The following FGD4 variants were observed in gnomAD, a reference collection of about 807,000 sequenced individuals.
The protein encoded by FGD4 is FYVE, RhoGEF and PH domain containing 4, also known as FYVE, RhoGEF and PH domain-containing protein 4.
A neutral mutation model predicts 102.0 loss-of-function variants in FGD4; 42 were observed. That is an observed-to-expected ratio of 0.41 (90% CI 0.32 to 0.53). The LOEUF is 0.53. FGD4 is among the 20% of genes least tolerant of loss of function. The pLI is 0.21. For synonymous variants in FGD4, 380 were observed against 375.7 expected, an observed-to-expected ratio of 1.01 and a Z score of -0.13; for missense variants, 902 against 1,078.2, an observed-to-expected ratio of 0.84 and a Z score of 2.29.
chr12:32,402,457 G>A (rs1486023041), intron 1 of FGD4, among the ~76,000 whole-genome samples: 1 of 151,924 alleles, frequency 6.6e-6, no homozygotes, highest in African/African-American at 2.4e-5. Flanking sequence ...GAGAGATGGG[G>A]TCTCACTGTG....
At chr12:32,575,789 GTTGT>G (rs1432012590) in intron 2 of FGD4, among the ~76,000 whole-genome samples, 1 of 152,202 alleles carries the variant, frequency 6.6e-6, no homozygotes, top group African/African-American at 2.4e-5. Flanking sequence ...TTGTATTACT[GTTGT>G]TTGTTGTTGT....
rs79224666 is a variant in FGD4, at chr12:32,610,200, A to T, written c.1544-576A>T. Among the ~76,000 whole-genome samples the T allele has an allele frequency of 3.3e-5, 5 of 152,338 alleles. No individual in the cohort carries two copies. The East Asian group carries it at 9.6e-4, about 29-fold the overall frequency. ...GGCCCTTCAATAGCATAGCTGTGTGACCTCAGCCAAGTTGTATTACTTCCC... is the reference window on the plus strand; with the variant it reads ...GGCCCTTCAATAGCATAGCTGTGTGTCCTCAGCCAAGTTGTATTACTTCCC... On this transcript the variant is annotated intron_variant, in intron 8 of 16. Coordinates refer to ENST00000534526, the MANE Select transcript of FGD4 (RefSeq NM_001370298.3).
At chr12:32,500,392 T>TTTTTG in intron 1 of FGD4, among the ~76,000 whole-genome samples, 1 of 135,328 alleles carries the variant, frequency 7.4e-6, no homozygotes, top group Non-Finnish European at 1.6e-5. Context: ...TTTTATTTTA[T>TTTTTG]TTTTATTTTA....
At chr12:32,549,954 TC>T (rs1280816956) in intron 1 of FGD4, among the ~76,000 whole-genome samples, 3 of 152,120 alleles carry the variant, frequency 2.0e-5, no homozygotes, top group African/African-American at 7.2e-5. Flanking sequence ...CCTCTTCTCT[TC>T]CCCCTCGGCA....
rs202159069 is a variant in FGD4 at position 32,570,542 on chromosome 12, AG to A, written c.320-5723del. 5.2e-3 allele frequency among the ~76,000 whole-genome samples: 797 copies of A among 152,042 alleles called. 7 individuals carry two copies. The highest frequency in any genetic ancestry group is 0.018 in the African/African-American group (739 of 41,478). On this transcript the variant is annotated intron_variant, in intron 2 of 16. Coordinates refer to ENST00000534526, the MANE Select transcript of FGD4 (RefSeq NM_001370298.3). ...CAGCAACCTCCACCTCCCAGGTTCA[AG>A]CGATTCTCCTGCCTCAGCCTCCCAA...
chr12:32,565,681 T>A, intron 2 of FGD4, among the ~76,000 whole-genome samples: 1 of 152,230 alleles, frequency 6.6e-6, no homozygotes, highest in Non-Finnish European at 1.5e-5. Flanking sequence ...GTGTCCTTTC[T>A]GAGTTGCATG....
chr12:32,532,677 CA>C (rs1393353879), intron 1 of FGD4, among the ~76,000 whole-genome samples: 1 of 151,792 alleles, frequency 6.6e-6, no homozygotes, highest in Non-Finnish European at 1.5e-5. Flanking sequence ...ATTTTTGTGA[CA>C]GGGAAGTATT....
intron 15 of FGD4, chr12:32,637,579 G>A (rs991601052): frequency 2.8e-5 from 4 of 143,416 alleles, no homozygotes; most frequent in African/African-American, 8.1e-5. Context: ...CTGGGTGACA[G>A]AGCAAGACTC....
At chr12:32,491,416 G>C (rs1176253561) in intron 1 of FGD4, among the ~76,000 whole-genome samples, 2 of 152,178 alleles carry the variant, frequency 1.3e-5, no homozygotes, top group African/African-American at 2.4e-5. Flanking sequence ...TTAATTATCT[G>C]TGTGTGGTAT....
chr12:32,524,431 A>C (rs372876338), intron 1 of FGD4, among the ~76,000 whole-genome samples: 6 of 151,060 alleles, frequency 4.0e-5, no homozygotes, highest in Admixed American at 6.6e-5. Flanking sequence ...AATTACCTGG[A>C]ATTAGTATAA....
intron 1 of FGD4, among the ~76,000 whole-genome samples, chr12:32,522,251 C>T (rs891006389): frequency 1.3e-5 from 2 of 151,348 alleles, no homozygotes; most frequent in East Asian, 1.9e-4. Context: ...TTATCATTAT[C>T]TGTTGTGGGT....
At chr12:32,518,903 T>A (rs1196425602) in intron 1 of FGD4, among the ~76,000 whole-genome samples, 1 of 151,490 alleles carries the variant, frequency 6.6e-6, no homozygotes, top group East Asian at 1.9e-4. Context: ...TCACCTGATG[T>A]TGGGAGGTCG....
Position 32,544,223 on chromosome 12 carries a change from C to T in FGD4, c.167-19914C>T, listed in dbSNP as rs1020360376. The stretch of plus-strand genomic sequence containing the variant: ...GGTGGATCTCCTGAGGTCAGGATTT[C>T]GAGACCAGCCTGGCCAACATGGTGA... On this transcript the variant is annotated intron_variant, in intron 1 of 16. Transcript: ENST00000534526. The surrounding 1 kb of genome is among the most constrained non-coding windows in gnomAD (Gnocchi z 4.1). 2.0e-5 allele frequency among the ~76,000 whole-genome samples: 3 copies of T among 151,840 alleles called. No homozygotes were observed. The highest frequency in any genetic ancestry group is 6.6e-5 in the Admixed American group (1 of 15,222).
intron 1 of FGD4, among the ~76,000 whole-genome samples, chr12:32,446,849 G>T (rs1410814609): frequency 6.6e-6 from 1 of 152,166 alleles, no homozygotes; most frequent in Admixed American, 6.5e-5. Context: ...AGCGCGTACA[G>T]GAAGTGATGT....
Position 32,506,936 on chromosome 12 carries a change from TTTA to T in FGD4, c.167-57193_167-57191del, listed in dbSNP as rs962096040. 3.3e-5 allele frequency among the ~76,000 whole-genome samples: 5 copies of T among 152,136 alleles called. No individual in the cohort carries two copies. The highest frequency in any genetic ancestry group is 1.2e-4 in the African/African-American group (5 of 41,414). ...TGGCAAACTTTATTTTTATTTATTT[TTTA>T]TTATTATACTTTAAGTTTTAGGGCA... On this transcript the variant is annotated intron_variant, in intron 1 of 16. Coordinates refer to ENST00000534526, the MANE Select transcript of FGD4 (RefSeq NM_001370298.3). This position sits in a 1 kb window ranked among gnomAD's most constrained non-coding sequence, Gnocchi z 4.5.
chr12:32,630,636 T>G (rs1950445210), intron 14 of FGD4, among the ~76,000 whole-genome samples: 1 of 151,978 alleles, frequency 6.6e-6, no homozygotes, highest in Admixed American at 6.6e-5. Context: ...ATGCACATGG[T>G]GAAACCCCGT....
At chr12:32,535,157 T>C (rs990540690) in intron 1 of FGD4, among the ~76,000 whole-genome samples, 1 of 152,260 alleles carries the variant, frequency 6.6e-6, no homozygotes, top group Non-Finnish European at 1.5e-5. Flanking sequence ...TGTAATCATG[T>C]GACGGGAAAT....
intron 1 of FGD4, among the ~76,000 whole-genome samples, chr12:32,439,485 G>A (rs918285413): frequency 5.9e-5 from 9 of 152,180 alleles, no homozygotes; most frequent in Non-Finnish European, 1.3e-4. Context: ...TTACCCAGTA[G>A]TGAGATTGCT....
intron 1 of FGD4, among the ~76,000 whole-genome samples, chr12:32,405,047 C>T (rs1326141332): frequency 6.6e-6 from 1 of 152,068 alleles, no homozygotes; most frequent in African/African-American, 2.4e-5. Flanking sequence ...CATTCTCCTG[C>T]CTCAGCCTCC....
Sources: allele counts gnomAD v4.1 joint callset (sites outside exome capture counted in the v4.1 genomes callset), GRCh38; gene constraint gnomAD v4.1.1; non-coding constraint Gnocchi (gnomAD v3.1); transcripts MANE v1.5; gene names NCBI Gene and HGNC (gene_info 2026-07-23, HGNC 2026-07-21).